IL23R: variants seen among roughly 807,000 people sequenced by gnomAD.
IL23R encodes the protein interleukin-23 receptor.
Under a neutral mutation model 56.9 loss-of-function variants are expected in IL23R, and 34 were observed. The ratio of observed to expected loss-of-function variants is 0.60; its 90% CI spans 0.45 to 0.80. The LOEUF (loss-of-function observed/expected upper bound fraction) is 0.80, where lower values mean the gene tolerates loss of function less well. Ranked by LOEUF, IL23R falls within the 30% of genes least tolerant of loss-of-function variation. The pLI, the probability that IL23R is intolerant of heterozygous loss-of-function variation, is 0.00. For synonymous variants in IL23R, 230 were observed against 249.2 expected (o/e 0.92, Z 0.73); for missense variants, 635 against 730.0 (o/e 0.87, Z 1.50).
At chr1:67,163,814 G>A (rs1282017668), upstream of IL23R, among the ~76,000 whole-genome samples, 1 of 152,170 alleles carries the variant, frequency 6.6e-6, no homozygotes, top group Non-Finnish European at 1.5e-5. Context: ...GCTTGCACCG[G>A]CTATAGAACT....
chr1:67,164,363 C>T (rs1347641127), upstream of IL23R, among the ~76,000 whole-genome samples: 2 of 151,924 alleles, frequency 1.3e-5, no homozygotes, highest in African/African-American at 2.4e-5. Context: ...CCGGGTGAGG[C>T]GTCTCACGCC....
At chr1:67,161,119 G>A (rs1296733023) in intron 1 of IL23R, among the ~76,000 whole-genome samples, 1 of 152,120 alleles carries the variant, frequency 6.6e-6, no homozygotes, top group Non-Finnish European at 1.5e-5. Flanking sequence ...GAGGCTCTAG[G>A]TCAATTTTGA....
At chr1:67,163,433 CA>C (rs1376331348), upstream of IL23R, among the ~76,000 whole-genome samples, 1 of 120,026 alleles carries the variant, frequency 8.3e-6, no homozygotes, top group African/African-American at 3.2e-5. Context: ...CATGCCACTG[CA>C]CTCCAGCCTG....
chr1:67,161,588 G>T (rs768426944), upstream of IL23R, among the ~76,000 whole-genome samples: 1 of 149,982 alleles, frequency 6.7e-6, no homozygotes, highest in Non-Finnish European at 1.5e-5. Context: ...GTACTCCCTT[G>T]CATATTTTAG....
intron 1 of IL23R, among the ~76,000 whole-genome samples, chr1:67,146,829 G>A (rs1359757187): frequency 6.6e-6 from 1 of 152,104 alleles, no homozygotes; most frequent in East Asian, 1.9e-4. Flanking sequence ...CTATCTTCAC[G>A]ATTATCTGCT....
chr1:67,206,788 C>A, intron 5 of IL23R, 122 bp from the exon 6 acceptor site: 2 of 1,088,454 alleles, frequency 1.8e-6, no homozygotes, highest in Non-Finnish European at 2.6e-6. Context: ...TTCATTAGAC[C>A]ATGAATTTTA....
chr1:67,219,783 C>A, intron 7 of IL23R, 53 bp downstream of exon 7: 1 of 1,534,624 alleles, frequency 6.5e-7, no homozygotes, highest in Non-Finnish European at 9.0e-7. Context: ...TATATCTTTT[C>A]TGCTGAGCAC....
At chr1:67,230,474 G>C (rs1558255644) in intron 7 of IL23R, among the ~76,000 whole-genome samples, 1 of 152,166 alleles carries the variant, frequency 6.6e-6, no homozygotes, top group Non-Finnish European at 1.5e-5. Flanking sequence ...TTTGACATCA[G>C]ACCTTCTCTG....
chr1:67,157,292 T>G (rs1053879810), intron 1 of IL23R, among the ~76,000 whole-genome samples: 1 of 152,208 alleles, frequency 6.6e-6, no homozygotes, highest in Admixed American at 6.5e-5. Context: ...CCAAAACAAA[T>G]TATTCATTTC....
chr1:67,251,212 G>A (rs1232364450), intron 9 of IL23R, among the ~76,000 whole-genome samples: 3 of 152,292 alleles, frequency 2.0e-5, no homozygotes, highest in African/African-American at 7.2e-5. Flanking sequence ...CAGCACTTTG[G>A]GAGGCCGAGC....
Position 67,236,773 on chromosome 1 carries a change from C to T in IL23R, c.1016C>T (p.Ala339Val). 1 of 1,612,956 alleles carries T rather than the reference C, an allele frequency of 6.2e-7. No individual in the cohort carries two copies. Among genetic ancestry groups the T allele is most frequent in the South Asian group, 1.1e-5 (1 of 91,046 alleles). ...ACATGGAATTCTGGGCTAACAGTTG[C>T]TTCCATCTCTACAGGGCACCTTACT... ...HDTWNSGLTVASISTGHLTSD... is the reference protein window; with the variant it reads ...HDTWNSGLTVVSISTGHLTSD... Residue 339 changes from alanine to valine, a missense_variant, in exon 8 of 11, where the codon GCT (alanine) becomes GTT (valine). Physicochemically the swap from Ala to Val is moderately conservative, Grantham distance 64 (BLOSUM62 0). Coordinates refer to ENST00000347310, the MANE Select transcript of IL23R (RefSeq NM_144701.3).
chr1:67,162,002 A>G (rs1646825805), upstream of IL23R, among the ~76,000 whole-genome samples: 2 of 152,186 alleles, frequency 1.3e-5, no homozygotes, highest in Admixed American at 6.5e-5. Flanking sequence ...CAAAGACGAA[A>G]AAACTAAGAC....
chr1:67,180,122 T>A (rs879989081), intron 3 of IL23R, among the ~76,000 whole-genome samples: 1 of 152,204 alleles, frequency 6.6e-6, no homozygotes, highest in African/African-American at 2.4e-5. Context: ...GTTCTGTAGA[T>A]GTCTATTAGG....
At chr1:67,237,841 G>T (rs1170361338) in intron 8 of IL23R, among the ~76,000 whole-genome samples, 1 of 152,162 alleles carries the variant, frequency 6.6e-6, no homozygotes, top group African/African-American at 2.4e-5. Context: ...AAGAACTTTT[G>T]CAGGTTGTAT....
chr1:67,153,579 C>T (rs1416677792), intron 1 of IL23R, among the ~76,000 whole-genome samples: 1 of 152,064 alleles, frequency 6.6e-6, no homozygotes, highest in African/African-American at 2.4e-5. Flanking sequence ...GTGATGTTGG[C>T]ATTTAGTCCT....
chr1:67,240,131 A>G lies in IL23R; in HGVS notation c.1046-48A>G, dbSNP rs764409261. The stretch of plus-strand genomic sequence containing the variant: ...AAAGAGAATAGTAATTCTGGTATCA[A>G]ATGAAGACTAATGCTTGGTTAAAAT... On this transcript the variant is annotated intron_variant, in intron 8 of 10. Transcript: ENST00000347310. 2.4e-6 allele frequency: 3 copies of G among 1,245,486 alleles called. No individual in the cohort carries two copies. The South Asian group carries it at 3.6e-5, about 15-fold the overall frequency. 77.2% of individuals were successfully genotyped at this position (1,245,486 alleles called of 1,614,324 possible).
At chr1:67,254,476 C>G (rs1353022824) in intron 9 of IL23R, among the ~76,000 whole-genome samples, 1 of 151,628 alleles carries the variant, frequency 6.6e-6, no homozygotes, top group Non-Finnish European at 1.5e-5. Flanking sequence ...ACTCCAATAG[C>G]CTGAATTTAC....
chr1:67,173,679 T>C (rs1221900658), intron 3 of IL23R, among the ~76,000 whole-genome samples: 2 of 152,168 alleles, frequency 1.3e-5, no homozygotes, highest in African/African-American at 2.4e-5. Flanking sequence ...TTTAAAAGGA[T>C]ATTAGACCTT....
In IL23R at chr1:67,206,990, C is replaced by A. The variant is rs1411124273; in HGVS notation, c.733C>A (p.Gln245Lys). The change falls in exon 6 of 11, where the codon CAA (glutamine) becomes AAA (lysine). Residue 245 changes from glutamine to lysine, a missense_variant. Physicochemically the swap from Gln to Lys is moderately conservative, Grantham distance 53 (BLOSUM62 1). Transcript: ENST00000347310. ...CAAGACCATAATTTATTGGGATAGT[C>A]AAACAACAATTGAAAAGGTTTCCTG... is the stretch of plus-strand genomic sequence containing the variant. ...VPKTIIYWDSQTTIEKVSCEM... is the reference protein window; with the variant it reads ...VPKTIIYWDSKTTIEKVSCEM... 2 of 1,593,938 alleles carry A rather than the reference C, an allele frequency of 1.3e-6. No individual in the cohort carries two copies.
Sources: gnomAD v4.1 joint callset for allele counts (sites outside exome capture counted in the v4.1 genomes callset) on GRCh38, gnomAD v4.1.1 for gene constraint, MANE v1.5 for transcripts, NCBI Gene and HGNC (gene_info 2026-07-23, HGNC 2026-07-21) for gene names.